The following SDK1 variants were observed in gnomAD, a reference collection of about 807,000 sequenced individuals.
The protein encoded by SDK1 is sidekick cell adhesion molecule 1.
SDK1 carries 157 observed loss-of-function variants against 245.5 expected under a neutral mutation model. The observed-to-expected ratio is 0.64, with a 90% confidence interval of 0.56 to 0.73. The LOEUF is 0.73. SDK1 is among the 30% of genes least tolerant of loss of function. The pLI is 0.00. For synonymous variants in SDK1, 1,647 were observed against 1,278.5 expected (o/e 1.29, Z -6.15); for missense variants, 3,583 against 3,002.3 (o/e 1.19, Z -4.52).
At chr7:3,379,421 G>A (rs2128566538) in intron 1 of SDK1, among the ~76,000 whole-genome samples, 1 of 152,190 alleles carries the variant, frequency 6.6e-6, no homozygotes, top group East Asian at 1.9e-4. Flanking sequence ...ATTGACCTGA[G>A]ATTCCAAGGA....
At chr7:3,592,907 A>G (rs1330679446) in intron 1 of SDK1, among the ~76,000 whole-genome samples, 1 of 152,224 alleles carries the variant, frequency 6.6e-6, no homozygotes, top group Non-Finnish European at 1.5e-5. Context: ...GCCAGTGAAT[A>G]ACCTGGAGTC....
chr7:4,249,373 C>G (rs1175330614), intron 44 of SDK1, among the ~76,000 whole-genome samples: 1 of 152,192 alleles, frequency 6.6e-6, no homozygotes, highest in Non-Finnish European at 1.5e-5. Context: ...TGGCAAGGGG[C>G]CTGGGAACCA....
chr7:3,880,098 C>T (rs1217448118), intron 5 of SDK1, among the ~76,000 whole-genome samples: 3 of 152,106 alleles, frequency 2.0e-5, no homozygotes, highest in African/African-American at 4.8e-5. Context: ...ATCTCTGTGC[C>T]CTTTGATAGT....
intron 1 of SDK1, among the ~76,000 whole-genome samples, chr7:3,420,360 T>C (rs1779503083): frequency 6.6e-6 from 1 of 152,218 alleles, no homozygotes; most frequent in African/African-American, 2.4e-5. Flanking sequence ...AAACTACAAC[T>C]CAGATCGTTT....
chr7:3,355,578 C>T (rs1042784830), intron 1 of SDK1, among the ~76,000 whole-genome samples: 1 of 152,188 alleles, frequency 6.6e-6, no homozygotes, highest in Non-Finnish European at 1.5e-5. Flanking sequence ...CTTCCCCATT[C>T]TTCTCAATCC....
At chr7:4,234,909 A>G (rs1786053476) in intron 41 of SDK1, among the ~76,000 whole-genome samples, 1 of 152,196 alleles carries the variant, frequency 6.6e-6, no homozygotes, top group Admixed American at 6.5e-5. Flanking sequence ...AGGTAGGGCC[A>G]GCTCTGTTGG....
intron 4 of SDK1, among the ~76,000 whole-genome samples, chr7:3,726,088 C>T (rs550421788): frequency 7.9e-5 from 12 of 152,308 alleles, no homozygotes; most frequent in African/African-American, 2.9e-4. Flanking sequence ...TTCCTCACAG[C>T]CTCCCAGTGA....
intron 5 of SDK1, among the ~76,000 whole-genome samples, chr7:3,893,333 G>A (rs1781509131): frequency 6.6e-6 from 1 of 152,146 alleles, no homozygotes; most frequent in Non-Finnish European, 1.5e-5. Flanking sequence ...TGGTCAGGAT[G>A]GCCGGGGGGA....
intron 1 of SDK1, among the ~76,000 whole-genome samples, chr7:3,497,756 T>G (rs1449906709): frequency 6.6e-6 from 1 of 152,174 alleles, no homozygotes; most frequent in Non-Finnish European, 1.5e-5. Context: ...ATGGAGAGCT[T>G]TTGATTTTGT....
At chr7:3,794,025 C>CTCAG (rs1265889107) in intron 4 of SDK1, among the ~76,000 whole-genome samples, 1 of 152,192 alleles carries the variant, frequency 6.6e-6, no homozygotes, top group Non-Finnish European at 1.5e-5. Flanking sequence ...TCAGACTTAC[C>CTCAG]ACATGCCAAA....
chr7:3,968,438 A>G (rs1782242461), intron 10 of SDK1, among the ~76,000 whole-genome samples: 1 of 152,184 alleles, frequency 6.6e-6, no homozygotes, highest in Non-Finnish European at 1.5e-5. Context: ...TCCTTCTGGA[A>G]AACCACCTGG....
intron 4 of SDK1, among the ~76,000 whole-genome samples, chr7:3,794,193 T>C (rs1774426496): frequency 6.6e-6 from 1 of 152,306 alleles, no homozygotes; most frequent in East Asian, 1.9e-4. Flanking sequence ...AATGTGGACA[T>C]ACCCAGCTGA....
At chr7:3,752,086 C>T (rs529153161) in intron 4 of SDK1, among the ~76,000 whole-genome samples, 1 of 152,290 alleles carries the variant, frequency 6.6e-6, no homozygotes, top group East Asian at 1.9e-4. Context: ...AACCAATAAA[C>T]ACTTTCTAAG....
intron 27 of SDK1, among the ~76,000 whole-genome samples, chr7:4,131,937 A>G (rs1441718164): frequency 6.6e-6 from 1 of 152,152 alleles, no homozygotes; most frequent in Non-Finnish European, 1.5e-5. Flanking sequence ...TGTCAAACCC[A>G]GTAAGGGAAT....
chr7:3,556,421 C>G (rs1055979420), intron 1 of SDK1, among the ~76,000 whole-genome samples: 6 of 151,680 alleles, frequency 4.0e-5, no homozygotes, highest in Non-Finnish European at 1.5e-5. Flanking sequence ...GGTGGGGGTG[C>G]AGCAAGTAGG....
chr7:4,053,024 T>C (rs1274128567), intron 19 of SDK1, among the ~76,000 whole-genome samples: 1 of 150,214 alleles, frequency 6.7e-6, no homozygotes, highest in African/African-American at 2.5e-5. Flanking sequence ...GAGGCAGAGG[T>C]TGCAGTGAGC....
intron 1 of SDK1, among the ~76,000 whole-genome samples, chr7:3,534,304 T>C (rs1778806780): frequency 6.6e-6 from 1 of 152,226 alleles, no homozygotes; most frequent in South Asian, 2.1e-4. Flanking sequence ...ACCAGGCATT[T>C]AGGTGCTTCT....
At chr7:3,835,989 G>A (rs1780021275) in intron 5 of SDK1, among the ~76,000 whole-genome samples, 1 of 152,176 alleles carries the variant, frequency 6.6e-6, no homozygotes, top group Non-Finnish European at 1.5e-5. Context: ...CTTCACAATA[G>A]CTCTTATTTA....
intron 4 of SDK1, among the ~76,000 whole-genome samples, chr7:3,671,838 G>A (rs1244215461): frequency 6.6e-6 from 1 of 152,174 alleles, no homozygotes; most frequent in African/African-American, 2.4e-5. Flanking sequence ...CCATTTTATA[G>A]TTTTTTCCTT....
Sources: gnomAD v4.1 joint callset for allele counts (sites outside exome capture counted in the v4.1 genomes callset) on GRCh38, gnomAD v4.1.1 for gene constraint, MANE v1.5 for transcripts, NCBI Gene and HGNC (gene_info 2026-07-23, HGNC 2026-07-21) for gene names.